Variants in CDIN1 observed in about 807,000 individuals in gnomAD.
CDIN1 encodes CDAN1-interacting nuclease 1.
In CDIN1, 33 loss-of-function variants were observed where a neutral mutation model predicts 45.3. That is an observed-to-expected ratio of 0.73 (90% CI 0.55 to 0.97). The LOEUF (loss-of-function observed/expected upper bound fraction) is 0.97. Ranked by LOEUF, CDIN1 falls within the 50% of genes least tolerant of loss-of-function variation. The pLI, the probability that CDIN1 is intolerant of heterozygous loss-of-function variation, is 0.00. For synonymous variants in CDIN1, 118 were observed against 124.4 expected, an observed-to-expected ratio of 0.95 and a Z score of 0.34; for missense variants, 303 against 339.4, an observed-to-expected ratio of 0.89 and a Z score of 0.84.
At chr15:36,708,951 T>A (rs1287113330) in intron 8 of CDIN1, 2 of 276,740 alleles carry the variant, frequency 7.2e-6, no homozygotes, top group South Asian at 1.3e-4. Flanking sequence ...TACTTTCAAT[T>A]ACAAAAAAGG....
At chr15:36,807,865 T>C (rs552344205) in intron 10 of CDIN1, among the ~76,000 whole-genome samples, 1 of 152,338 alleles carries the variant, frequency 6.6e-6, no homozygotes, top group Non-Finnish European at 1.5e-5. Context: ...AGTTGTTGCA[T>C]TTTTTTAAAT....
intron 10 of CDIN1, among the ~76,000 whole-genome samples, chr15:36,775,887 TGTATGTAC>T (rs1395900569): frequency 6.6e-6 from 1 of 152,248 alleles, no homozygotes; most frequent in Admixed American, 6.5e-5. Context: ...ACTGTATATA[TGTATGTAC>T]GTATGTATGT....
intron 3 of CDIN1, among the ~76,000 whole-genome samples, chr15:36,647,204 T>C (rs2040370023): frequency 6.7e-6 from 1 of 150,138 alleles, no homozygotes; most frequent in African/African-American, 2.4e-5. Context: ...AAAAAAAAAG[T>C]TTATAGAGAC....
At chr15:36,705,761 A>G (rs947436305) in intron 8 of CDIN1, 1 of 152,176 alleles carries the variant, frequency 6.6e-6, no homozygotes, top group African/African-American at 2.4e-5. Flanking sequence ...TATAAAATAT[A>G]TTGGGTTTTT....
chr15:36,697,258 TG>T, intron 7 of CDIN1, 64 bp from the exon 8 acceptor site: 1 of 1,376,438 alleles, frequency 7.3e-7, no homozygotes. Flanking sequence ...AGTATAGACC[TG>T]GTATTAGCGT....
chr15:36,740,974 T>C lies in CDIN1; in HGVS notation c.716+31013T>C, dbSNP rs1322328257. 3.3e-5 allele frequency among the ~76,000 whole-genome samples: 5 copies of C among 152,212 alleles called. No individual in the cohort carries two copies. In the East Asian group the frequency reaches 5.8e-4, roughly 18 times the overall value. ...TATTTTGAGACAAGGTCTCACTCTC[T>C]CACCCAGGCTAAAGTGCAGTGGCAC... On this transcript the variant is annotated intron_variant, in intron 10 of 10. Coordinates refer to ENST00000566621, the MANE Select transcript of CDIN1 (RefSeq NM_001321759.2).
intron 1 of CDIN1, chr15:36,641,523 A>G (rs940338560): frequency 5.3e-5 from 8 of 152,376 alleles, no homozygotes; most frequent in Non-Finnish European, 1.2e-4. Context: ...TAGCATGGGA[A>G]AAATACAAGC....
intron 10 of CDIN1, among the ~76,000 whole-genome samples, chr15:36,754,864 G>A (rs1180779522): frequency 1.3e-5 from 2 of 151,942 alleles, no homozygotes; most frequent in Non-Finnish European, 2.9e-5. Context: ...AAAGTTACAC[G>A]CCTTGAAAGA....
intron 7 of CDIN1, 88 bp downstream of exon 7, chr15:36,692,263 T>G: frequency 1.6e-6 from 2 of 1,284,948 alleles, no homozygotes; most frequent in Non-Finnish European, 2.2e-6. Flanking sequence ...CATAAAGTTC[T>G]GCTTCACAAA....
chr15:36,758,051 A>T (rs1025733296), intron 10 of CDIN1, among the ~76,000 whole-genome samples: 1 of 152,140 alleles, frequency 6.6e-6, no homozygotes, highest in Non-Finnish European at 1.5e-5. Flanking sequence ...CATAGTACAT[A>T]TAGCGTCTGG....
At chr15:36,797,598 T>TACCA (rs1443196900) in intron 10 of CDIN1, among the ~76,000 whole-genome samples, 2 of 152,214 alleles carry the variant, frequency 1.3e-5, no homozygotes, top group Non-Finnish European at 2.9e-5. Flanking sequence ...AATAGATTCC[T>TACCA]ACCAGCAATC....
At chr15:36,608,872 T>G (rs751464203) in intron 1 of CDIN1, among the ~76,000 whole-genome samples, 4 of 152,170 alleles carry the variant, frequency 2.6e-5, no homozygotes, top group Non-Finnish European at 5.9e-5. Flanking sequence ...AAGTTAGGCA[T>G]GCTTTTAATT....
intron 1 of CDIN1, among the ~76,000 whole-genome samples, chr15:36,620,384 A>G (rs1182941843): frequency 6.6e-6 from 1 of 152,078 alleles, no homozygotes; most frequent in Non-Finnish European, 1.5e-5. Context: ...AATAAAAATA[A>G]ATTGAAAATT....
rs114426606 is a variant in CDIN1, at chr15:36,744,939, T to C, written c.716+34978T>C. ...TACATCCCAGAAGCAGCTGAGTACCTGTAATATCATTATTTGCAATCACTT... is the reference window on the plus strand; with the variant it reads ...TACATCCCAGAAGCAGCTGAGTACCCGTAATATCATTATTTGCAATCACTT... On this transcript the variant is annotated intron_variant, in intron 10 of 10. Transcript: ENST00000566621. Among the ~76,000 whole-genome samples, 397 of 152,316 alleles carry C rather than the reference T, an allele frequency of 2.6e-3. 1 individual carries two copies. The highest frequency in any genetic ancestry group is 8.9e-3 in the African/African-American group (371 of 41,574).
At chr15:36,687,001 A>G (rs2042082102) in intron 5 of CDIN1, among the ~76,000 whole-genome samples, 1 of 123,196 alleles carries the variant, frequency 8.1e-6, no homozygotes, top group Non-Finnish European at 1.6e-5. Context: ...TCAATGTAGA[A>G]TGTATTATTT....
chr15:36,679,589 C>G (rs192817113), intron 5 of CDIN1, among the ~76,000 whole-genome samples: 206 of 152,192 alleles, frequency 1.4e-3, no homozygotes, highest in Non-Finnish European at 1.5e-3. Context: ...CATGTCTTTC[C>G]TAGTTTACCT....
chr15:36,807,830 A>G (rs114430624), intron 10 of CDIN1, among the ~76,000 whole-genome samples: 58 of 152,332 alleles, frequency 3.8e-4, no homozygotes, highest in African/African-American at 1.3e-3. Context: ...CATAAGTAGA[A>G]CAGTATAGCC....
intron 8 of CDIN1, chr15:36,702,129 G>C (rs774561225): frequency 1.4e-6 from 1 of 702,108 alleles, no homozygotes; most frequent in Non-Finnish European, 2.6e-6. Context: ...GATTATGTAG[G>C]CTGAAGGGAA....
intron 1 of CDIN1, among the ~76,000 whole-genome samples, chr15:36,610,021 G>A (rs952881143): frequency 5.3e-5 from 8 of 152,234 alleles, no homozygotes; most frequent in Non-Finnish European, 1.0e-4. Context: ...TCAAAGTAGG[G>A]CATGTACCTT....
Sources: gnomAD v4.1 joint callset for allele counts (sites outside exome capture counted in the v4.1 genomes callset) on GRCh38, gnomAD v4.1.1 for gene constraint, MANE v1.5 for transcripts, NCBI Gene and HGNC (gene_info 2026-07-23, HGNC 2026-07-21) for gene names.